THADA: variants seen among roughly 807,000 people sequenced by gnomAD.
THADA encodes tRNA (32-2'-O)-methyltransferase regulator THADA.
THADA carries 213 observed loss-of-function variants against 219.8 expected under a neutral mutation model. The ratio of observed to expected loss-of-function variants is 0.97; its 90% CI spans 0.87 to 1.09. The LOEUF is 1.09. THADA is among the 50% of genes least tolerant of loss of function. THADA has a pLI of 0.00. For synonymous variants in THADA, 1,018 were observed against 828.9 expected (o/e 1.23, Z -3.92); for missense variants, 2,956 against 2,311.3 (o/e 1.28, Z -5.72).
intron 23 of THADA, among the ~76,000 whole-genome samples, chr2:43,507,921 G>A (rs1205772371): frequency 6.6e-6 from 1 of 152,168 alleles, no homozygotes; most frequent in Admixed American, 6.6e-5. Flanking sequence ...ATAATACTAA[G>A]TGAAATCAAA....
At chr2:43,485,985 C>G (rs6735628) in intron 25 of THADA, among the ~76,000 whole-genome samples, 5,297 of 151,826 alleles carry the variant, frequency 0.035, 214 homozygotes, top group African/African-American at 0.1. Flanking sequence ...TCAGAAGGCT[C>G]AGGCAGGAGG....
intron 25 of THADA, chr2:43,486,367 G>C (rs1191969477): frequency 6.6e-6 from 1 of 152,102 alleles, no homozygotes; most frequent in African/African-American, 2.4e-5. Context: ...AAAGGGTCTT[G>C]ACTGTTTTGG....
intron 29 of THADA, among the ~76,000 whole-genome samples, chr2:43,395,093 A>C (rs1558690438): frequency 1.3e-5 from 2 of 152,214 alleles, no homozygotes; most frequent in Non-Finnish European, 2.9e-5. Context: ...CACGTGTGGG[A>C]AACAAGGCTG....
chr2:43,354,334 G>A (rs1009873661), intron 29 of THADA, among the ~76,000 whole-genome samples: 8 of 151,774 alleles, frequency 5.3e-5, no homozygotes, highest in Non-Finnish European at 7.4e-5. Flanking sequence ...GGCATACGAT[G>A]TGTACTGACC....
chr2:43,410,018 T>TAAAA (rs200952206), intron 28 of THADA, among the ~76,000 whole-genome samples: 6 of 132,076 alleles, frequency 4.5e-5, no homozygotes, highest in Non-Finnish European at 9.8e-5. Flanking sequence ...TCTCATCTCT[T>TAAAA]AAAAAAAAAA....
chr2:43,440,615 G>C (rs748530364), intron 26 of THADA, among the ~76,000 whole-genome samples: 1 of 152,118 alleles, frequency 6.6e-6, no homozygotes, highest in African/African-American at 2.4e-5. Flanking sequence ...TTAGTATTGG[G>C]ATCCCTGAGT....
intron 28 of THADA, among the ~76,000 whole-genome samples, chr2:43,402,644 A>G (rs1675001466): frequency 6.6e-6 from 1 of 152,208 alleles, no homozygotes; most frequent in South Asian, 2.1e-4. Flanking sequence ...CTGAGTACCT[A>G]GCACAGCACA....
At chr2:43,418,077 G>C (rs1677222203) in intron 28 of THADA, among the ~76,000 whole-genome samples, 1 of 152,130 alleles carries the variant, frequency 6.6e-6, no homozygotes, top group Non-Finnish European at 1.5e-5. Context: ...GCCAAAAACT[G>C]TATCTGTCTG....
chr2:43,250,466 T>C (rs963037547), intron 36 of THADA, among the ~76,000 whole-genome samples: 1 of 152,082 alleles, frequency 6.6e-6, no homozygotes, highest in Admixed American at 6.5e-5. Context: ...AACTAGATAG[T>C]GGTAATGACT....
intron 29 of THADA, among the ~76,000 whole-genome samples, chr2:43,376,879 G>A (rs565866459): frequency 2.0e-4 from 31 of 152,258 alleles, no homozygotes; most frequent in Non-Finnish European, 3.4e-4. Flanking sequence ...CATTTCAAGA[G>A]CCCCTACTAT....
At chr2:43,377,594 A>G (rs960641605) in intron 29 of THADA, among the ~76,000 whole-genome samples, 4 of 152,208 alleles carry the variant, frequency 2.6e-5, no homozygotes, top group African/African-American at 9.7e-5. Flanking sequence ...AAGCTCCATC[A>G]TCTGATCGGG....
intron 31 of THADA, among the ~76,000 whole-genome samples, chr2:43,295,875 C>T (rs995158069): frequency 6.6e-6 from 1 of 151,560 alleles, no homozygotes; most frequent in Non-Finnish European, 1.5e-5. Flanking sequence ...CATGATGGGA[C>T]CCCAGGGAGG....
intron 21 of THADA, among the ~76,000 whole-genome samples, chr2:43,535,133 C>G (rs1167029258): frequency 2.6e-5 from 2 of 77,904 alleles, no homozygotes; most frequent in Non-Finnish European, 5.3e-5. Context: ...TTCGTCATTT[C>G]TGTTTTTGAG....
At chr2:43,232,303 C>T (rs548244825) in intron 37 of THADA, among the ~76,000 whole-genome samples, 20 of 152,140 alleles carry the variant, frequency 1.3e-4, no homozygotes, top group Admixed American at 7.2e-4. Flanking sequence ...CTCAGCCTCC[C>T]GAGTAGCTGG....
chr2:43,390,969 A>C (rs1673303624), intron 29 of THADA, among the ~76,000 whole-genome samples: 1 of 152,218 alleles, frequency 6.6e-6, no homozygotes. Flanking sequence ...TAACTGCACA[A>C]GCTCAAAAGC....
chr2:43,506,873 C>G (rs919080889), intron 23 of THADA, among the ~76,000 whole-genome samples: 1 of 152,046 alleles, frequency 6.6e-6, no homozygotes, highest in African/African-American at 2.4e-5. Context: ...CATTTGAAAA[C>G]TACAGAAGAG....
intron 9 of THADA, 67 bp downstream of exon 9, chr2:43,578,446 C>T: frequency 1.2e-5 from 16 of 1,364,106 alleles, no homozygotes; most frequent in Non-Finnish European, 1.6e-5. Flanking sequence ...TGCACCAAGC[C>T]AAAATTATTT....
chr2:43,286,889 TC>T lies in THADA; in HGVS notation c.5164+18del. 4 of 1,601,426 alleles carry T rather than the reference TC, an allele frequency of 2.5e-6. No individual in the cohort carries two copies. Among genetic ancestry groups the T allele is most frequent in the Non-Finnish European group, 3.4e-6 (4 of 1,169,628 alleles). On this transcript the variant is annotated intron_variant, in intron 35 of 37. Coordinates refer to ENST00000405975, the MANE Select transcript of THADA (RefSeq NM_022065.5). ...TTAAGTGAGTTTGGTACAACAGACT[TC>T]CGTCTCGGCGCACTTACCAAGAATA...
chr2:43,271,612 CTTTTTT>C (rs11365531), intron 36 of THADA, among the ~76,000 whole-genome samples: 5 of 118,618 alleles, frequency 4.2e-5, no homozygotes, highest in African/African-American at 1.0e-4. Context: ...ACTCTTGGAA[CTTTTTT>C]TTTTTTTTTT....
Sources: gnomAD v4.1 joint callset for allele counts (sites outside exome capture counted in the v4.1 genomes callset) on GRCh38, gnomAD v4.1.1 for gene constraint, MANE v1.5 for transcripts, NCBI Gene and HGNC (gene_info 2026-07-23, HGNC 2026-07-21) for gene names.